Variants in ASL observed in about 807,000 individuals in gnomAD.
ASL encodes the protein argininosuccinase.
Under a neutral mutation model 69.1 loss-of-function variants are expected in ASL, and 51 were observed. The observed-to-expected ratio is 0.74, with a 90% CI of 0.59 to 0.93. The LOEUF is 0.93. Ranked by LOEUF, ASL falls within the 40% of genes least tolerant of loss-of-function variation. The pLI is 0.00. For missense variants in ASL, 540 were observed against 623.9 expected, an observed-to-expected ratio of 0.87 and a Z score of 1.43; for synonymous variants, 241 against 247.6, an observed-to-expected ratio of 0.97 and a Z score of 0.25.
intron 4 of ASL, 66 bp from the exon 5 acceptor site, chr7:66,082,814 C>T: frequency 6.2e-7 from 1 of 1,601,304 alleles, no homozygotes; most frequent in Non-Finnish European, 8.5e-7. Context: ...ATGAGGAAAA[C>T]TGCCCTGCCT....
chr7:66,087,421 C>A (rs1431949016), intron 9 of ASL, 35 bp downstream of exon 9: 2 of 1,601,962 alleles, frequency 1.2e-6, no homozygotes, highest in Admixed American at 1.7e-5. Context: ...CAGGGAGAAT[C>A]ACCCTCAGCA....
chr7:66,080,843 C>A (rs2115685246), intron 2 of ASL, among the ~76,000 whole-genome samples: 1 of 152,250 alleles, frequency 6.6e-6, no homozygotes, highest in South Asian at 2.1e-4. Flanking sequence ...TGTCAGGGTG[C>A]TTTTCAGAGC....
chr7:66,091,827 A>G lies in ASL; in HGVS notation c.1063-179A>G, dbSNP rs914739167. ...ACAGGCCAGTAAGTGTTCATAGCAC[A>G]TGTAAATATTATCGATAATTATGAG... On this transcript the variant is annotated intron_variant, in intron 14 of 16. Transcript: ENST00000304874. 1.2e-5 allele frequency: 8 copies of G among 680,432 alleles called. No homozygotes were observed. The East Asian group carries it at 1.3e-4, about 11-fold the overall frequency. The allele number at this position is 680,432 out of a possible 1,614,324, so 42.1% of individuals were successfully genotyped here.
At chr7:66,081,054 G>A (rs899265375) in intron 2 of ASL, among the ~76,000 whole-genome samples, 2 of 152,226 alleles carry the variant, frequency 1.3e-5, no homozygotes, top group Admixed American at 6.5e-5. Context: ...CTGCTGGGCC[G>A]CAGCCCTGGC....
At chr7:66,075,975 G>C in intron 1 of ASL, 64 bp from the exon 2 acceptor site, 1 of 1,489,216 alleles carries the variant, frequency 6.7e-7, no homozygotes, top group South Asian at 1.2e-5. Context: ...CCAGAACTCG[G>C]AGCCAGCCCG....
chr7:66,092,899 C>T lies in ASL; in HGVS notation c.1382C>T (p.Ala461Val), dbSNP rs753893235. 9 of 1,608,318 alleles carry T rather than the reference C, an allele frequency of 5.6e-6. No homozygotes were observed. The highest frequency in any genetic ancestry group is 7.6e-6 in the Non-Finnish European group (9 of 1,179,808). ...QIRQVRALLQ[A>V]QQA ...CGCCAGGTGCGGGCGCTACTGCAGG[C>T]ACAGCAGGCCTAGGTCCTCCCACAC... The change falls in exon 17 of 17, where the codon GCA becomes GTA. Residue 461 changes from alanine (A) to valine (V), a missense_variant. Coordinates refer to ENST00000304874, the MANE Select transcript of ASL (RefSeq NM_000048.4).
rs763823679 is a variant in ASL at position 66,081,856 on chromosome 7, G to A, written c.66G>A (p.Glu22=). The A allele has an allele frequency of 1.2e-6, 2 of 1,614,106 alleles. No homozygotes were observed. The highest frequency in any genetic ancestry group is 1.7e-6 in the Non-Finnish European group (2 of 1,180,044). Residue 22 remains glutamate (E), a synonymous_variant, in exon 3 of 17, where the codon GAG becomes GAA. Transcript: ENST00000304874. ...TGGGTGCAGTGGACCCCATCATGGAGAAGTTCAACGCGTCCATTGCCTACG... is the reference window on the plus strand; with the variant it reads ...TGGGTGCAGTGGACCCCATCATGGAAAAGTTCAACGCGTCCATTGCCTACG... ...RFVGAVDPIM[E]KFNASIAYDR...
In ASL at chr7:66,086,704, C is replaced by A. The variant is rs780821479; in HGVS notation, c.525-40C>A. The A allele has an allele frequency of 4.3e-6, 7 of 1,611,782 alleles. No individual in the cohort carries two copies. In the East Asian group the frequency reaches 8.9e-5, roughly 21 times the overall value. ...GCAGGGGCTGTGCTAGAGGGGAGGA[C>A]CCCGGCTGCCCTGACCCTCCTGCCC... On this transcript the variant is annotated intron_variant, in intron 7 of 16. Transcript: ENST00000304874.
At chr7:66,086,442 G>T in intron 6 of ASL, 143 bp from the exon 7 acceptor site, 1 of 887,200 alleles carries the variant, frequency 1.1e-6, no homozygotes, top group Non-Finnish European at 1.8e-6. Flanking sequence ...ATTTGTCCCT[G>T]GGAGATCACC....
At chr7:66,080,346 A>G (rs1786466204) in intron 2 of ASL, among the ~76,000 whole-genome samples, 2 of 141,218 alleles carry the variant, frequency 1.4e-5, no homozygotes, top group Non-Finnish European at 3.0e-5. Context: ...AGATCCTGCC[A>G]CTGCACTCCA....
chr7:66,082,634 G>A (rs1786541145), intron 4 of ASL, among the ~76,000 whole-genome samples, 183 bp downstream of exon 4: 2 of 152,194 alleles, frequency 1.3e-5, no homozygotes, highest in East Asian at 3.9e-4. Flanking sequence ...GCTGAGGTGG[G>A]AGGATTGCTT....
At chr7:66,091,922 C>T in intron 14 of ASL, 84 bp from the exon 15 acceptor site, 4 of 1,427,866 alleles carry the variant, frequency 2.8e-6, no homozygotes, top group Admixed American at 3.3e-5. Context: ...GCAGGGATGT[C>T]CTGGCAGAGG....
rs778029825 is a variant in ASL, at chr7:66,087,716, C to G, written c.656-13C>G. The G allele has an allele frequency of 1.2e-6, 2 of 1,613,900 alleles. No homozygotes were observed. The highest frequency in any genetic ancestry group is 1.3e-5 in the African/African-American group (1 of 74,884). On this transcript the variant is annotated splice_polypyrimidine_tract_variant and intron_variant, in intron 9 of 16. Transcript: ENST00000304874. ...GTCCTCCAGCTTAGCCCTGCTTCCT[C>G]CCACCCCCCCAGAACTCAACTTTGG...
At chr7:66,085,690 C>T (rs13247295) in intron 6 of ASL, among the ~76,000 whole-genome samples, 89,566 of 151,416 alleles carry the variant, frequency 0.59, 26,933 homozygotes, top group African/African-American at 0.68. Flanking sequence ...TCACTGCAAG[C>T]TCTGCCTCCT....
rs1290030128 is a variant in ASL at position 66,092,005 on chromosome 7, G to T, written c.1063-1G>T. ...CACCACTCGCCCACCTGTGCCCCCA[G>T]ATTCACCAAGAGAACATGGGACAGG... On this transcript the variant is annotated splice_acceptor_variant, in intron 14 of 16. Coordinates refer to ENST00000304874, the MANE Select transcript of ASL (RefSeq NM_000048.4). LOFTEE classifies it high-confidence loss of function. The T allele has an allele frequency of 6.2e-7, 1 of 1,613,344 alleles. No individual in the cohort carries two copies. Among genetic ancestry groups the T allele is most frequent in the Non-Finnish European group, 8.5e-7 (1 of 1,180,014 alleles).
At chr7:66,090,032 G>A (rs142006256) in intron 14 of ASL, among the ~76,000 whole-genome samples, 236 of 152,306 alleles carry the variant, frequency 1.5e-3, no homozygotes, top group African/African-American at 5.5e-3. Context: ...GAGGTCAGGG[G>A]TTTGAGACCA....
chr7:66,087,677 G>A (rs913603478), intron 9 of ASL, 52 bp from the exon 10 acceptor site: 1 of 1,610,140 alleles, frequency 6.2e-7, no homozygotes, highest in Non-Finnish European at 8.5e-7. Context: ...TTGGGGGAGA[G>A]GGGGCCACTC....
At position 66,092,824 on chromosome 7, in the gene ASL, A is replaced by G; in HGVS notation, c.1307A>G (p.Gln436Arg). ...CVWDYGHSVE[Q>R]YGALGGTARS... The stretch of plus-strand genomic sequence containing the variant: ...TGGGACTACGGGCACAGTGTGGAGC[A>G]GTATGGTGCCCTGGGCGGCACTGCG... The change falls in exon 17 of 17, where the codon CAG (glutamine) becomes CGG (arginine). Residue 436 changes from glutamine to arginine, a missense_variant. Gln to Arg is a conservative substitution (Grantham distance 43). Coordinates refer to ENST00000304874, the MANE Select transcript of ASL (RefSeq NM_000048.4). 6.2e-7 allele frequency: 1 copy of G among 1,613,818 alleles called. No individual in the cohort carries two copies. The highest frequency in any genetic ancestry group is 8.5e-7 in the Non-Finnish European group (1 of 1,179,988).
At position 66,092,084 on chromosome 7, in the gene ASL, G is replaced by A; in HGVS notation, c.1141G>A (p.Gly381Arg). Residue 381 changes from glycine (G) to arginine (R), a missense_variant and splice_region_variant, in exon 15 of 17, where the codon GGG (glycine) becomes AGG (arginine). Physicochemically the swap from Gly to Arg is moderately radical, Grantham distance 125 (BLOSUM62 -2). Coordinates refer to ENST00000304874, the MANE Select transcript of ASL (RefSeq NM_000048.4). ...TDLAYYLVRKGMPFRQAHEAS... is the reference protein window; with the variant it reads ...TDLAYYLVRKRMPFRQAHEAS... ...CCTTGCCTATTACCTGGTCCGCAAA[G>A]GGGTAAGTGTGTAGCAGCCAGGGGG... 2 of 1,611,714 alleles carry A rather than the reference G, an allele frequency of 1.2e-6. No individual in the cohort carries two copies. Among genetic ancestry groups the A allele is most frequent in the Non-Finnish European group, 8.5e-7 (1 of 1,180,014 alleles).
Sources: gnomAD v4.1 joint callset for allele counts (sites outside exome capture counted in the v4.1 genomes callset) on GRCh38, gnomAD v4.1.1 for gene constraint, MANE v1.5 for transcripts, NCBI Gene and HGNC (gene_info 2026-07-23, HGNC 2026-07-21) for gene names.